Variants in CSMD1 observed in about 807,000 individuals in gnomAD.
CSMD1 encodes CUB and sushi domain-containing protein 1.
CSMD1 carries 213 observed loss-of-function variants against 417.5 expected under a neutral mutation model. The ratio of observed to expected loss-of-function variants is 0.51; its 90% CI spans 0.46 to 0.57. The LOEUF is 0.57. CSMD1 is among the 20% of genes least tolerant of loss of function. The probability of loss-of-function intolerance (pLI) is 0.00; values close to 1 mark genes in which losing one functional copy is unlikely to be tolerated. For synonymous variants in CSMD1, 2,862 were observed against 1,736.8 expected (o/e 1.65, Z -16.11); for missense variants, 6,923 against 4,529.7 (o/e 1.53, Z -15.17).
chr8:4,644,802 G>A (rs1803417201), intron 1 of CSMD1, among the ~76,000 whole-genome samples: 1 of 152,240 alleles, frequency 6.6e-6, no homozygotes, highest in African/African-American at 2.4e-5. Flanking sequence ...ACACTAAAAT[G>A]TAAACCTTCC....
chr8:3,898,437 T>C (rs1807510071), intron 5 of CSMD1, among the ~76,000 whole-genome samples: 1 of 152,212 alleles, frequency 6.6e-6, no homozygotes, highest in Admixed American at 6.5e-5. Flanking sequence ...TTGTGTGACA[T>C]GTCATCAAGT....
At chr8:3,587,135 T>A (rs1391469141) in intron 8 of CSMD1, among the ~76,000 whole-genome samples, 2 of 152,186 alleles carry the variant, frequency 1.3e-5, no homozygotes, top group Admixed American at 1.3e-4. Flanking sequence ...CAGCCTGGAT[T>A]TAGAGAAAAA....
Position 3,963,944 on chromosome 8 carries a change from A to G in CSMD1, c.818+33959T>C, listed in dbSNP as rs143035143. ...TTTCCTCCCTTTCAGAAGAAAAAGA[A>G]GAAAAAGTTCGTTGGATTTAAAGGT... is the stretch of plus-strand genomic sequence containing the variant. On this transcript the variant is annotated intron_variant, in intron 5 of 69. Transcript: ENST00000635120. Among the ~76,000 whole-genome samples the G allele has an allele frequency of 3.0e-3, 464 of 152,332 alleles. 1 individual carries two copies. The highest frequency in any genetic ancestry group is 0.011 in the African/African-American group (442 of 41,578).
At chr8:3,358,390 C>A (rs1243985459) in intron 21 of CSMD1, among the ~76,000 whole-genome samples, 6 of 152,170 alleles carry the variant, frequency 3.9e-5, no homozygotes, top group South Asian at 2.1e-4. Flanking sequence ...TAGACGTTGT[C>A]CGTATAGCTA....
At chr8:3,231,077 G>A (rs960877052) in intron 26 of CSMD1, among the ~76,000 whole-genome samples, 3 of 152,082 alleles carry the variant, frequency 2.0e-5, no homozygotes, top group Non-Finnish European at 4.4e-5. Context: ...GAAGGCTACC[G>A]CAAGCCCAGA....
chr8:4,399,533 T>C (rs1804503214), intron 3 of CSMD1, among the ~76,000 whole-genome samples: 1 of 152,184 alleles, frequency 6.6e-6, no homozygotes, highest in Non-Finnish European at 1.5e-5. Flanking sequence ...CTTTCCTCTC[T>C]GAATCCTGGC....
intron 3 of CSMD1, among the ~76,000 whole-genome samples, chr8:4,038,211 A>C (rs1446348374): frequency 6.6e-6 from 1 of 152,186 alleles, no homozygotes; most frequent in Non-Finnish European, 1.5e-5. Flanking sequence ...TCTTTTTAAA[A>C]AGTTTTTGTA....
chr8:3,661,153 T>A (rs1199248583), intron 7 of CSMD1, among the ~76,000 whole-genome samples: 1 of 152,188 alleles, frequency 6.6e-6, no homozygotes, highest in Non-Finnish European at 1.5e-5. Flanking sequence ...TACTTTCGTA[T>A]ATGACTCCTT....
chr8:3,194,609 C>A (rs1190133467), intron 33 of CSMD1, among the ~76,000 whole-genome samples: 1 of 149,918 alleles, frequency 6.7e-6, no homozygotes, highest in Admixed American at 6.8e-5. Context: ...AGGCACATGC[C>A]ACCACACTTG....
intron 3 of CSMD1, among the ~76,000 whole-genome samples, chr8:4,385,249 A>G (rs1457849717): frequency 2.0e-5 from 3 of 152,138 alleles, no homozygotes; most frequent in African/African-American, 7.2e-5. Context: ...GTTCTTAAAT[A>G]GGTGTTTGAT....
intron 1 of CSMD1, among the ~76,000 whole-genome samples, chr8:4,751,814 C>A (rs968186951): frequency 6.6e-6 from 1 of 152,106 alleles, no homozygotes. Context: ...GCAGAGTCCA[C>A]ATGATGTCTT....
At chr8:4,442,147 A>C (rs1798519952) in intron 2 of CSMD1, among the ~76,000 whole-genome samples, 1 of 152,164 alleles carries the variant, frequency 6.6e-6, no homozygotes, top group Non-Finnish European at 1.5e-5. Flanking sequence ...ATTCAGCAAA[A>C]ACATCTGAAA....
At chr8:3,996,975 C>T (rs139552782) in intron 5 of CSMD1, among the ~76,000 whole-genome samples, 63 of 152,294 alleles carry the variant, frequency 4.1e-4, no homozygotes, top group Middle Eastern at 3.4e-3. Context: ...CTGCAACCTG[C>T]CGACATGTTC....
intron 3 of CSMD1, among the ~76,000 whole-genome samples, chr8:4,146,681 G>C (rs914885782): frequency 2.4e-5 from 3 of 126,842 alleles, no homozygotes; most frequent in African/African-American, 3.1e-5. Context: ...GTGTGATCTG[G>C]ACTCACTGCA....
At chr8:3,657,716 G>T (rs1373350575) in intron 7 of CSMD1, among the ~76,000 whole-genome samples, 3 of 152,072 alleles carry the variant, frequency 2.0e-5, no homozygotes, top group African/African-American at 4.8e-5. Flanking sequence ...GCTAGGGGAG[G>T]GGTAGCATTA....
chr8:4,731,867 G>GT (rs1330772630), intron 1 of CSMD1, among the ~76,000 whole-genome samples: 1 of 152,050 alleles, frequency 6.6e-6, no homozygotes, highest in East Asian at 1.9e-4. Context: ...CTTTAGTACT[G>GT]TATTTTTATT....
intron 6 of CSMD1, 126 bp from the exon 7 acceptor site, chr8:3,708,617 G>A: frequency 1.4e-6 from 1 of 727,220 alleles, no homozygotes; most frequent in Non-Finnish European, 2.4e-6. Flanking sequence ...AATGTTCTAA[G>A]AGGTGAATGA....
intron 1 of CSMD1, among the ~76,000 whole-genome samples, chr8:4,890,766 C>T (rs1034895512): frequency 6.6e-6 from 1 of 152,118 alleles, no homozygotes; most frequent in African/African-American, 2.4e-5. Context: ...TGGAAGAAAG[C>T]GCAATCACTT....
At chr8:3,538,638 C>G (rs1294646172) in intron 10 of CSMD1, among the ~76,000 whole-genome samples, 1 of 152,264 alleles carries the variant, frequency 6.6e-6, no homozygotes, top group Non-Finnish European at 1.5e-5. Context: ...AGGTATAGAG[C>G]TTTCCTCTTT....
Sources: allele counts gnomAD v4.1 joint callset (sites outside exome capture counted in the v4.1 genomes callset), GRCh38; gene constraint gnomAD v4.1.1; transcripts MANE v1.5; gene names NCBI Gene and HGNC (gene_info 2026-07-23, HGNC 2026-07-21).